Variants in DNAH14 observed in about 807,000 individuals in gnomAD.
DNAH14 encodes axonemal beta dynein heavy chain 14.
DNAH14 carries 478 observed loss-of-function variants against 520.9 expected under a neutral mutation model. That is an observed-to-expected ratio of 0.92 (90% CI 0.85 to 0.99). DNAH14 has a LOEUF of 0.99. Among genes scored for constraint, DNAH14 ranks in the 50% least tolerant of loss-of-function variants. DNAH14 has a pLI of 0.00. For synonymous variants in DNAH14, 1,581 were observed against 1,757.2 expected (o/e 0.90, Z 2.51); for missense variants, 4,831 against 5,234.5 (o/e 0.92, Z 2.38).
intron 7 of DNAH14, among the ~76,000 whole-genome samples, chr1:224,971,483 A>G (rs901212742): frequency 2.6e-5 from 4 of 152,228 alleles, no homozygotes; most frequent in African/African-American, 9.6e-5. Flanking sequence ...GAAAAAATAT[A>G]CAGGTTTCTG....
chr1:225,121,766 G>A (rs575090854), intron 26 of DNAH14, among the ~76,000 whole-genome samples: 7 of 152,074 alleles, frequency 4.6e-5, no homozygotes, highest in East Asian at 1.9e-4. Flanking sequence ...CCTTGAACCC[G>A]GGAGGCGGAG....
At chr1:225,183,873 G>T (rs545371398) in intron 36 of DNAH14, among the ~76,000 whole-genome samples, 1 of 152,020 alleles carries the variant, frequency 6.6e-6, no homozygotes, top group African/African-American at 2.4e-5. Flanking sequence ...ATTCAATCAG[G>T]AGGAAACTGA....
At chr1:225,367,008 TACACACACACACACACACACAC>T (rs111814272) in intron 76 of DNAH14, among the ~76,000 whole-genome samples, 1 of 149,396 alleles carries the variant, frequency 6.7e-6, no homozygotes, top group East Asian at 2.0e-4. Context: ...CTCATGTTCA[TACACACACACACACACACACAC>T]ACACACACAC....
At position 225,117,925 on chromosome 1, in the gene DNAH14, A is replaced by G. The variant is rs375097364; in HGVS notation, c.4017A>G (p.Ile1339Met). 5.7e-5 allele frequency: 88 copies of G among 1,551,348 alleles called. No homozygotes were observed. The African/African-American group carries it at 1.1e-3, about 19-fold the overall frequency. ...TTGAAAATATAAAACAATTATTGAT[A>G]TGGAAACAAGACATTGGCCCTCCTG... ...KCFENIKQLL[I>M]WKQDIGPPAV... The change falls in exon 25 of 86, where the codon ATA becomes ATG. Residue 1339 changes from isoleucine (I) to methionine (M), a missense_variant. Transcript: ENST00000682510.
intron 31 of DNAH14, among the ~76,000 whole-genome samples, chr1:225,151,422 G>A (rs1445126972): frequency 6.6e-6 from 1 of 152,108 alleles, no homozygotes; most frequent in Non-Finnish European, 1.5e-5. Context: ...GAGTTCCCCA[G>A]GTTTTGTCCC....
chr1:225,041,013 G>A (rs548764936), intron 12 of DNAH14, among the ~76,000 whole-genome samples: 81 of 152,304 alleles, frequency 5.3e-4, no homozygotes, highest in Admixed American at 9.2e-4. Flanking sequence ...GAACCAATAA[G>A]ATTCACGCAT....
chr1:225,349,533 T>C (rs545742535), intron 71 of DNAH14, among the ~76,000 whole-genome samples: 34 of 152,282 alleles, frequency 2.2e-4, no homozygotes, highest in African/African-American at 6.7e-4. Context: ...TAAAAAACAG[T>C]ATCCAACTAT....
Position 225,140,934 on chromosome 1 carries a change from T to G in DNAH14, c.4421T>G (p.Leu1474Trp), listed in dbSNP as rs1222462218. Residue 1474 changes from leucine (L) to tryptophan (W), a missense_variant, in exon 28 of 86, where the codon TTG becomes TGG. Physicochemically the swap from Leu to Trp is moderately conservative, Grantham distance 61. Transcript: ENST00000682510. ...NSRTKAILGA[L>W]LILYVHCRDI... ...CGAACAAAAGCTATACTAGGGGCAT[T>G]GCTTATCCTTTATGTTCACTGCAGA... 3 of 1,551,456 alleles carry G rather than the reference T, an allele frequency of 1.9e-6. No individual in the cohort carries two copies. In the East Asian group the frequency reaches 7.3e-5, roughly 38 times the overall value.
At chr1:225,242,903 A>T (rs752623729) in intron 43 of DNAH14, among the ~76,000 whole-genome samples, 1 of 152,324 alleles carries the variant, frequency 6.6e-6, no homozygotes, top group African/African-American at 2.4e-5. Flanking sequence ...TTTCAGCTCC[A>T]TTATAATCTT....
At chr1:225,163,369 C>A (rs1048947197) in intron 35 of DNAH14, among the ~76,000 whole-genome samples, 1 of 152,110 alleles carries the variant, frequency 6.6e-6, no homozygotes, top group African/African-American at 2.4e-5. Context: ...TGTCTGATTG[C>A]TCCAGCTAAG....
chr1:225,388,770 A>T (rs1052395245), intron 82 of DNAH14, among the ~76,000 whole-genome samples: 14 of 152,102 alleles, frequency 9.2e-5, no homozygotes, highest in African/African-American at 3.4e-4. Flanking sequence ...GGAAATAATT[A>T]GTTACATGTA....
At chr1:225,354,319 G>A (rs761289579) in intron 73 of DNAH14, 1 of 697,140 alleles carries the variant, frequency 1.4e-6, no homozygotes. Context: ...GCACATTTTT[G>A]CCTCATACCT....
chr1:225,002,217 T>G (rs1483162098), intron 8 of DNAH14, among the ~76,000 whole-genome samples: 2 of 152,124 alleles, frequency 1.3e-5, no homozygotes, highest in African/African-American at 4.8e-5. Flanking sequence ...TACTCTGCCC[T>G]TTTCTCCCCG....
In DNAH14 at chr1:225,050,133, T is replaced by C. The variant is rs1001486136; in HGVS notation, c.1913-77T>C. 3 of 1,259,636 alleles carry C rather than the reference T, an allele frequency of 2.4e-6. No individual in the cohort carries two copies. In the African/African-American group the frequency reaches 4.6e-5, roughly 19 times the overall value. 78.0% of individuals were successfully genotyped at this position (1,259,636 alleles called of 1,614,324 possible). ...AATCAGCCCCCATTTTCAATAGTTC[T>C]AGATGTCATGGATAATTTTGAAGTG... On this transcript the variant is annotated intron_variant, in intron 15 of 85. Coordinates refer to ENST00000682510, the MANE Select transcript of DNAH14 (RefSeq NM_001367479.1).
chr1:225,020,539 AC>A (rs1321330333), intron 10 of DNAH14, among the ~76,000 whole-genome samples: 1 of 150,632 alleles, frequency 6.6e-6, no homozygotes, highest in Non-Finnish European at 1.5e-5. Flanking sequence ...TACTATAAAC[AC>A]CTCTTTGCAT....
chr1:225,221,482 G>A (rs1350871513), intron 41 of DNAH14, among the ~76,000 whole-genome samples: 1 of 152,188 alleles, frequency 6.6e-6, no homozygotes, highest in African/African-American at 2.4e-5. Flanking sequence ...CCATCAAAAA[G>A]CAGGTAAAGG....
At chr1:225,358,054 T>G (rs12750410) in intron 73 of DNAH14, among the ~76,000 whole-genome samples, 48,137 of 152,098 alleles carry the variant, frequency 0.32, 8,081 homozygotes, top group East Asian at 0.61. Context: ...GATTGTGCCA[T>G]TTGTTTTCAT....
intron 10 of DNAH14, among the ~76,000 whole-genome samples, chr1:225,008,112 C>G (rs890081378): frequency 2.0e-5 from 3 of 151,446 alleles, no homozygotes; most frequent in African/African-American, 7.3e-5. Context: ...GTATGATGTT[C>G]CCCTCCCTGT....
chr1:225,020,855 A>G (rs532356029), intron 10 of DNAH14, among the ~76,000 whole-genome samples: 1 of 152,274 alleles, frequency 6.6e-6, no homozygotes, highest in Admixed American at 6.5e-5. Context: ...CAGAGACACA[A>G]CAAGAAAAGA....
Sources: allele counts gnomAD v4.1 joint callset (sites outside exome capture counted in the v4.1 genomes callset), GRCh38; gene constraint gnomAD v4.1.1; transcripts MANE v1.5; gene names NCBI Gene and HGNC (gene_info 2026-07-23, HGNC 2026-07-21).